Variants in ENOX1 observed in about 807,000 individuals in gnomAD.
ENOX1 encodes ecto-NOX disulfide-thiol exchanger 1.
Under a neutral mutation model 82.5 loss-of-function variants are expected in ENOX1, and 42 were observed. That is an observed-to-expected ratio of 0.51 (90% CI 0.40 to 0.66). The LOEUF (loss-of-function observed/expected upper bound fraction) is 0.66. Ranked by LOEUF, ENOX1 falls within the 30% of genes least tolerant of loss-of-function variation. The probability of loss-of-function intolerance (pLI) is 0.00; values close to 1 mark genes in which losing one functional copy is unlikely to be tolerated. For missense variants in ENOX1, 608 were observed against 811.6 expected, an observed-to-expected ratio of 0.75 and a Z score of 3.05; for synonymous variants, 271 against 282.2, an observed-to-expected ratio of 0.96 and a Z score of 0.40.
chr13:43,596,766 A>G (rs2081492964), intron 2 of ENOX1, among the ~76,000 whole-genome samples: 1 of 152,252 alleles, frequency 6.6e-6, no homozygotes, highest in Non-Finnish European at 1.5e-5. Context: ...AACTACCTGT[A>G]GTTAGTATTA....
intron 2 of ENOX1, among the ~76,000 whole-genome samples, chr13:43,571,449 T>A (rs2080174026): frequency 6.6e-6 from 1 of 151,052 alleles, no homozygotes; most frequent in Non-Finnish European, 1.5e-5. Flanking sequence ...GAGGCCGAGG[T>A]GGGTGGATCA....
At chr13:43,219,513 G>A (rs2041673197) in intron 16 of ENOX1, among the ~76,000 whole-genome samples, 1 of 152,014 alleles carries the variant, frequency 6.6e-6, no homozygotes, top group African/African-American at 2.4e-5. Context: ...TATTGTCAGT[G>A]GATTCTTCTA....
At chr13:43,501,537 G>A (rs1207595789) in intron 2 of ENOX1, among the ~76,000 whole-genome samples, 2 of 151,416 alleles carry the variant, frequency 1.3e-5, no homozygotes, top group Non-Finnish European at 3.0e-5. Context: ...ATTTTAAAAA[G>A]ATTAAAATCA....
At chr13:43,236,232 G>A (rs902149177) in intron 15 of ENOX1, among the ~76,000 whole-genome samples, 2 of 152,150 alleles carry the variant, frequency 1.3e-5, no homozygotes, top group African/African-American at 4.8e-5. Flanking sequence ...TTTAGGATGT[G>A]GCCTCTGCTA....
At chr13:43,307,020 T>C (rs2046907737) in intron 11 of ENOX1, among the ~76,000 whole-genome samples, 2 of 152,326 alleles carry the variant, frequency 1.3e-5, no homozygotes, top group African/African-American at 4.8e-5. Flanking sequence ...GCCAAATACT[T>C]GCAATAATGG....
chr13:43,735,364 A>C (rs1406022926), intron 1 of ENOX1, among the ~76,000 whole-genome samples: 1 of 152,180 alleles, frequency 6.6e-6, no homozygotes, highest in Non-Finnish European at 1.5e-5. Context: ...AAACAATAAA[A>C]TTTATTACCA....
chr13:43,450,368 T>C (rs1054896091), intron 3 of ENOX1, among the ~76,000 whole-genome samples: 14 of 152,142 alleles, frequency 9.2e-5, no homozygotes, highest in African/African-American at 3.1e-4. Flanking sequence ...AAAATGTACC[T>C]GGGGTTTTGG....
intron 1 of ENOX1, among the ~76,000 whole-genome samples, chr13:43,756,916 G>A (rs2183489): frequency 0.091 from 13,086 of 143,492 alleles, 921 homozygotes; most frequent in African/African-American, 0.2. Flanking sequence ...TAAGCCCAGG[G>A]TTCCAACCCT....
At chr13:43,780,480 C>G (rs1225818037) in intron 1 of ENOX1, among the ~76,000 whole-genome samples, 4 of 152,124 alleles carry the variant, frequency 2.6e-5, no homozygotes, top group Non-Finnish European at 4.4e-5. Context: ...CAAAGATGTG[C>G]TGATACACAG....
rs896036219 is a variant in ENOX1, at chr13:43,443,972, G to A, written c.-74-30984C>T. Among the ~76,000 whole-genome samples, 10 of 152,218 alleles carry A rather than the reference G, an allele frequency of 6.6e-5. No individual in the cohort carries two copies. The South Asian group carries it at 1.7e-3, about 25-fold the overall frequency. On this transcript the variant is annotated intron_variant, in intron 3 of 16. Transcript: ENST00000690772. ...TATGACTAGCCTGCTCTTCTCCCAC[G>A]GATCCTAGCTGTTTAGGAAGTACAG...
intron 3 of ENOX1, among the ~76,000 whole-genome samples, chr13:43,448,791 G>A (rs1263929819): frequency 6.6e-6 from 1 of 152,170 alleles, no homozygotes; most frequent in Non-Finnish European, 1.5e-5. Flanking sequence ...TGGCAACCAA[G>A]AAAGCACTTT....
intron 2 of ENOX1, among the ~76,000 whole-genome samples, chr13:43,576,765 A>G (rs951222698): frequency 2.6e-5 from 4 of 152,226 alleles, no homozygotes; most frequent in Admixed American, 6.5e-5. Context: ...AATTACATAT[A>G]TAGATCACAT....
At chr13:43,663,681 G>C (rs2084840426) in intron 2 of ENOX1, among the ~76,000 whole-genome samples, 1 of 148,148 alleles carries the variant, frequency 6.8e-6, no homozygotes, top group Non-Finnish European at 1.5e-5. Context: ...ATGAATGAAT[G>C]AATGAACAAA....
At chr13:43,553,582 A>T (rs1341419484) in intron 2 of ENOX1, among the ~76,000 whole-genome samples, 4 of 152,208 alleles carry the variant, frequency 2.6e-5, no homozygotes, top group Non-Finnish European at 5.9e-5. Context: ...TCCTGCAGAT[A>T]ATGACAAGTA....
chr13:43,692,421 C>T (rs2086415025), intron 1 of ENOX1, among the ~76,000 whole-genome samples: 1 of 151,926 alleles, frequency 6.6e-6, no homozygotes, highest in Admixed American at 6.6e-5. Flanking sequence ...AGGATTGATA[C>T]ATTTGATTGC....
At chr13:43,768,882 T>C (rs1353132328) in intron 1 of ENOX1, among the ~76,000 whole-genome samples, 1 of 152,214 alleles carries the variant, frequency 6.6e-6, no homozygotes, top group African/African-American at 2.4e-5. Flanking sequence ...CATTTACACT[T>C]TCAGTCACTT....
At chr13:43,578,790 G>A (rs2080562251) in intron 2 of ENOX1, among the ~76,000 whole-genome samples, 3 of 152,140 alleles carry the variant, frequency 2.0e-5, no homozygotes, top group South Asian at 4.1e-4. Flanking sequence ...TATCTTTGTA[G>A]AATGAATCAA....
At chr13:43,675,758 G>A (rs1014984956) in intron 1 of ENOX1, among the ~76,000 whole-genome samples, 39 of 152,062 alleles carry the variant, frequency 2.6e-4, no homozygotes, top group Admixed American at 1.6e-3. Flanking sequence ...AGTCCCTGCC[G>A]TACATCACAC....
At chr13:43,543,701 A>C (rs2153695633) in intron 2 of ENOX1, among the ~76,000 whole-genome samples, 1 of 149,070 alleles carries the variant, frequency 6.7e-6, no homozygotes, top group African/African-American at 2.5e-5. Flanking sequence ...ACTTTTCAGA[A>C]ATCCTGTCTT....
Sources: gnomAD v4.1 joint callset for allele counts (sites outside exome capture counted in the v4.1 genomes callset) on GRCh38, gnomAD v4.1.1 for gene constraint, MANE v1.5 for transcripts, NCBI Gene and HGNC (gene_info 2026-07-23, HGNC 2026-07-21) for gene names.